MYO1B: variants seen among roughly 807,000 people sequenced by gnomAD.
The protein encoded by MYO1B is unconventional myosin-Ib.
MYO1B carries 72 observed loss-of-function variants against 159.7 expected under a neutral mutation model. The ratio of observed to expected loss-of-function variants is 0.45; its 90% CI spans 0.37 to 0.55. The LOEUF is 0.55. MYO1B is among the 20% of genes least tolerant of loss of function. The probability of loss-of-function intolerance (pLI) is 0.00; values close to 1 mark genes in which losing one functional copy is unlikely to be tolerated. For missense variants in MYO1B, 1,062 were observed against 1,364.8 expected (o/e 0.78, Z 3.50); for synonymous variants, 468 against 473.8 (o/e 0.99, Z 0.16).
At chr2:191,298,878 C>T (rs1266993071) in intron 3 of MYO1B, among the ~76,000 whole-genome samples, 1 of 152,094 alleles carries the variant, frequency 6.6e-6, no homozygotes, top group African/African-American at 2.4e-5. Context: ...ACATTGGTTG[C>T]CCCTCTTAGC....
At chr2:191,346,427 G>T in intron 6 of MYO1B, 145 bp downstream of exon 6, 1 of 550,882 alleles carries the variant, frequency 1.8e-6, no homozygotes, top group Non-Finnish European at 3.0e-6. Flanking sequence ...AGTTCTATAA[G>T]GACTCTTGAT....
chr2:191,310,666 C>T (rs912768075), intron 3 of MYO1B, among the ~76,000 whole-genome samples: 1 of 152,150 alleles, frequency 6.6e-6, no homozygotes, highest in African/African-American at 2.4e-5. Context: ...CATTCCAATA[C>T]CAATCTGCTT....
intron 6 of MYO1B, among the ~76,000 whole-genome samples, chr2:191,346,707 G>C (rs1692590185): frequency 6.6e-6 from 1 of 152,204 alleles, no homozygotes; most frequent in Admixed American, 6.5e-5. Context: ...AAAATTAATA[G>C]AGGTAAAGTC....
intron 3 of MYO1B, among the ~76,000 whole-genome samples, chr2:191,312,569 C>T (rs1690073645): frequency 6.6e-6 from 1 of 152,120 alleles, no homozygotes; most frequent in Non-Finnish European, 1.5e-5. Flanking sequence ...TAGACTTCTA[C>T]AATAGTAAGC....
chr2:191,271,342 T>C (rs1372493300), intron 1 of MYO1B, among the ~76,000 whole-genome samples: 1 of 152,236 alleles, frequency 6.6e-6, no homozygotes, highest in Non-Finnish European at 1.5e-5. Context: ...CTGCTTTCAC[T>C]AAGTTTTCCT....
At chr2:191,409,999 T>C (rs757416021) in intron 26 of MYO1B, among the ~76,000 whole-genome samples, 4 of 152,218 alleles carry the variant, frequency 2.6e-5, no homozygotes, top group Non-Finnish European at 5.9e-5. Context: ...TAGAATCATC[T>C]ATGTATAGAG....
At chr2:191,329,310 T>G (rs760180263) in intron 3 of MYO1B, among the ~76,000 whole-genome samples, 40 of 152,198 alleles carry the variant, frequency 2.6e-4, no homozygotes, top group Non-Finnish European at 5.1e-4. Flanking sequence ...TTGCCTCTGA[T>G]GGATCTTAGA....
chr2:191,408,786 T>C (rs893147000), intron 25 of MYO1B, among the ~76,000 whole-genome samples: 1 of 152,356 alleles, frequency 6.6e-6, no homozygotes, highest in South Asian at 2.1e-4. Flanking sequence ...TCTATAGAGC[T>C]AGCTGGTATT....
At chr2:191,304,695 A>G (rs979967) in intron 3 of MYO1B, among the ~76,000 whole-genome samples, 80,502 of 152,080 alleles carry the variant, frequency 0.53, 22,069 homozygotes, top group East Asian at 0.65. Context: ...AGGAAGGTTG[A>G]TTTGATGCCA....
chr2:191,418,725 G>A (rs925731250), intron 30 of MYO1B, among the ~76,000 whole-genome samples: 5 of 152,078 alleles, frequency 3.3e-5, no homozygotes, highest in African/African-American at 1.2e-4. Flanking sequence ...CTGACCTCAG[G>A]TGATCCGCCC....
At chr2:191,272,573 T>A (rs761906652) in intron 1 of MYO1B, among the ~76,000 whole-genome samples, 56 of 152,216 alleles carry the variant, frequency 3.7e-4, no homozygotes, top group Non-Finnish European at 6.3e-4. Context: ...TACATCTCTA[T>A]GTCTCCCACC....
chr2:191,262,160 T>A (rs1210732524), intron 1 of MYO1B, among the ~76,000 whole-genome samples: 1 of 152,162 alleles, frequency 6.6e-6, no homozygotes, highest in Non-Finnish European at 1.5e-5. Context: ...AACTACTAGA[T>A]TGGGGCCCCA....
intron 4 of MYO1B, among the ~76,000 whole-genome samples, chr2:191,336,666 T>C (rs953685260): frequency 3.3e-5 from 5 of 152,200 alleles, no homozygotes; most frequent in African/African-American, 1.2e-4. Flanking sequence ...TCCATTTGGA[T>C]GTGCGGGAGC....
At chr2:191,345,410 T>C (rs1452068547) in intron 5 of MYO1B, among the ~76,000 whole-genome samples, 1 of 152,210 alleles carries the variant, frequency 6.6e-6, no homozygotes, top group Non-Finnish European at 1.5e-5. Flanking sequence ...TCCTATCTTA[T>C]GCACAGGCTT....
In MYO1B at chr2:191,414,074, A is replaced by G; in HGVS notation, c.2900A>G (p.Tyr967Cys). The change falls in exon 28 of 31, where the codon TAC becomes TGC. Residue 967 changes from tyrosine to cysteine, a missense_variant. Around this residue, in one of 5 missense-constraint regions of MYO1B, gnomAD observed 609 missense variants for 744.4 expected, o/e 0.82. Coordinates refer to ENST00000392318, the MANE Select transcript of MYO1B (RefSeq NM_001130158.3). ...SSVGQPFQGA[Y>C]LEINKNPKYK... is the part of the protein sequence containing the mutation. ...GTTGGGCAACCATTCCAAGGGGCTTACCTGGAAATCAACAAGAACCCCAAG... is the reference window on the plus strand; with the variant it reads ...GTTGGGCAACCATTCCAAGGGGCTTGCCTGGAAATCAACAAGAACCCCAAG... The G allele has an allele frequency of 6.2e-7, 1 of 1,612,640 alleles. No homozygotes were observed. The highest frequency in any genetic ancestry group is 8.5e-7 in the Non-Finnish European group (1 of 1,179,390).
At chr2:191,284,500 A>G (rs55786000) in intron 2 of MYO1B, among the ~76,000 whole-genome samples, 57,757 of 151,926 alleles carry the variant, frequency 0.38, 11,161 homozygotes, top group Middle Eastern at 0.52. Context: ...TATCTTGTTG[A>G]GTTGTGGTGG....
intron 1 of MYO1B, among the ~76,000 whole-genome samples, chr2:191,248,496 G>C (rs1685920231): frequency 6.6e-6 from 1 of 152,230 alleles, no homozygotes; most frequent in Non-Finnish European, 1.5e-5. Flanking sequence ...CCACTGTAGA[G>C]TATTGGTTGT....
At position 191,360,644 on chromosome 2, in the gene MYO1B, A is replaced by G. The variant is rs1693603050; in HGVS notation, c.576A>G (p.Lys192=). The G allele has an allele frequency of 6.2e-7, 1 of 1,610,678 alleles. No individual in the cohort carries two copies. Among genetic ancestry groups the G allele is most frequent in the Non-Finnish European group, 8.5e-7 (1 of 1,177,468 alleles). Residue 192 remains lysine (K), a synonymous_variant, in exon 8 of 31, where the codon AAA becomes AAG. Transcript: ENST00000392318. The part of the protein sequence containing the change: ...GGVISNYLLE[K]SRVVKQPRGE... ...TCTTCTCTTTAGATCTTTTAGAGAAATCTCGGGTTGTTAAACAGCCAAGAG... is the reference window on the plus strand; with the variant it reads ...TCTTCTCTTTAGATCTTTTAGAGAAGTCTCGGGTTGTTAAACAGCCAAGAG...
intron 11 of MYO1B, among the ~76,000 whole-genome samples, chr2:191,365,119 A>G (rs183449061): frequency 6.6e-6 from 1 of 152,308 alleles, no homozygotes; most frequent in Admixed American, 6.5e-5. Context: ...GCATGCCTGT[A>G]TACGTGCATG....
Sources: allele counts gnomAD v4.1 joint callset (sites outside exome capture counted in the v4.1 genomes callset), GRCh38; gene constraint gnomAD v4.1.1; regional missense constraint gnomAD v4.1.1; transcripts MANE v1.5; gene names NCBI Gene and HGNC (gene_info 2026-07-23, HGNC 2026-07-21).